The following APBB2 variants were observed in gnomAD, a reference collection of about 807,000 sequenced individuals.
APBB2 encodes amyloid beta precursor protein binding family B member 2.
A neutral mutation model predicts 82.5 loss-of-function variants in APBB2; 38 were observed. The observed-to-expected ratio is 0.46, with a 90% CI of 0.36 to 0.60. APBB2 has a LOEUF of 0.60. Ranked by LOEUF, APBB2 falls within the 20% of genes least tolerant of loss-of-function variation. The probability of loss-of-function intolerance (pLI) is 0.00; values close to 1 mark genes in which losing one functional copy is unlikely to be tolerated. For missense variants in APBB2, 772 were observed against 972.3 expected (o/e 0.79, Z 2.74); for synonymous variants, 341 against 368.2 (o/e 0.93, Z 0.85).
intron 3 of APBB2, among the ~76,000 whole-genome samples, chr4:41,082,955 G>A (rs865901876): frequency 1.3e-5 from 2 of 152,160 alleles, no homozygotes; most frequent in Middle Eastern, 6.8e-3. Context: ...TTGAGGTCAG[G>A]AGATCGAGAC....
intron 3 of APBB2, among the ~76,000 whole-genome samples, chr4:41,081,931 G>A (rs1294557585): frequency 6.6e-6 from 1 of 152,154 alleles, no homozygotes; most frequent in Non-Finnish European, 1.5e-5. Flanking sequence ...ATGAACTACC[G>A]ATACTTTGAC....
At chr4:41,094,575 C>G (rs1742863228) in intron 3 of APBB2, among the ~76,000 whole-genome samples, 1 of 152,042 alleles carries the variant, frequency 6.6e-6, no homozygotes, top group Admixed American at 6.6e-5. Flanking sequence ...CTATCAGCCA[C>G]TTTTTTTAAG....
At chr4:40,969,611 A>G (rs1024702532) in intron 6 of APBB2, among the ~76,000 whole-genome samples, 4 of 152,176 alleles carry the variant, frequency 2.6e-5, no homozygotes, top group Admixed American at 1.3e-4. Context: ...TCCCCATTTA[A>G]TTTTGCTATC....
At chr4:41,044,785 A>G (rs1408615046) in intron 4 of APBB2, among the ~76,000 whole-genome samples, 1 of 152,088 alleles carries the variant, frequency 6.6e-6, no homozygotes, top group African/African-American at 2.4e-5. Context: ...CTTCTTTTTA[A>G]CCCAATAGTT....
At chr4:40,999,847 C>A (rs1579125232) in intron 6 of APBB2, among the ~76,000 whole-genome samples, 1 of 151,794 alleles carries the variant, frequency 6.6e-6, no homozygotes, top group South Asian at 2.1e-4. Flanking sequence ...GTTTAATTGT[C>A]GTGCTAATCA....
intron 2 of APBB2, among the ~76,000 whole-genome samples, chr4:41,115,161 T>C (rs1299358737): frequency 6.6e-6 from 1 of 151,952 alleles, no homozygotes; most frequent in South Asian, 2.1e-4. Flanking sequence ...GCATCAGAAA[T>C]AACGCCACAC....
intron 4 of APBB2, among the ~76,000 whole-genome samples, chr4:41,042,796 G>T (rs1225482339): frequency 2.0e-5 from 3 of 152,190 alleles, no homozygotes; most frequent in African/African-American, 7.2e-5. Flanking sequence ...GCTCAGCAGA[G>T]ACTATGAGAA....
chr4:40,862,023 T>C (rs1762875967), intron 12 of APBB2, among the ~76,000 whole-genome samples: 5 of 152,324 alleles, frequency 3.3e-5, no homozygotes, highest in African/African-American at 9.6e-5. Context: ...CTTTCTTTCA[T>C]AGAAACCTAA....
intron 1 of APBB2, among the ~76,000 whole-genome samples, chr4:41,203,970 A>C (rs1777327499): frequency 6.6e-6 from 1 of 152,048 alleles, no homozygotes; most frequent in Non-Finnish European, 1.5e-5. Flanking sequence ...GACTCTCTCA[A>C]ATGAAAATTT....
chr4:40,892,259 G>T (rs1432164926), intron 11 of APBB2: 1 of 152,262 alleles, frequency 6.6e-6, no homozygotes, highest in Non-Finnish European at 1.5e-5. Context: ...CCAGGCTTGG[G>T]TATTTGGATG....
At chr4:41,172,882 A>T (rs1441305716) in intron 1 of APBB2, among the ~76,000 whole-genome samples, 1 of 152,232 alleles carries the variant, frequency 6.6e-6, no homozygotes, top group Non-Finnish European at 1.5e-5. Context: ...AGCTCATTTT[A>T]GGATATTGAA....
intron 12 of APBB2, among the ~76,000 whole-genome samples, chr4:40,858,937 TG>T (rs1762107409): frequency 6.6e-6 from 1 of 152,148 alleles, no homozygotes; most frequent in Non-Finnish European, 1.5e-5. Flanking sequence ...GTTTAAGACT[TG>T]GGGTTCAGCA....
intron 6 of APBB2, among the ~76,000 whole-genome samples, chr4:40,979,043 T>C (rs1797865287): frequency 6.6e-6 from 1 of 152,188 alleles, no homozygotes; most frequent in Non-Finnish European, 1.5e-5. Context: ...GGGAAGTTTC[T>C]TCCACTGAGA....
chr4:41,167,869 A>T (rs1409153171), intron 1 of APBB2, among the ~76,000 whole-genome samples: 1 of 152,228 alleles, frequency 6.6e-6, no homozygotes, highest in Non-Finnish European at 1.5e-5. Context: ...CAAGGAGGAG[A>T]GCTGCACTGA....
intron 3 of APBB2, among the ~76,000 whole-genome samples, chr4:41,100,282 T>TA (rs1744911054): frequency 6.6e-6 from 1 of 152,192 alleles, no homozygotes; most frequent in Admixed American, 6.5e-5. Flanking sequence ...TCTAAAAGTC[T>TA]AAAACACCTG....
chr4:41,035,358 G>A (rs772660399), intron 4 of APBB2, among the ~76,000 whole-genome samples: 35 of 152,116 alleles, frequency 2.3e-4, no homozygotes, highest in Non-Finnish European at 5.0e-4. Flanking sequence ...CTGTGGGTAA[G>A]GCTCATTACT....
intron 6 of APBB2, among the ~76,000 whole-genome samples, chr4:40,981,886 C>T (rs978102129): frequency 6.6e-6 from 1 of 151,830 alleles, no homozygotes; most frequent in Non-Finnish European, 1.5e-5. Context: ...GTTTCTCGAG[C>T]GTAAGAATTT....
At chr4:41,138,245 A>G (rs1197695623) in intron 2 of APBB2, 1 of 152,254 alleles carries the variant, frequency 6.6e-6, no homozygotes, top group African/African-American at 2.4e-5. Context: ...AAGAGTTTTT[A>G]GAAACATCAA....
At chr4:41,026,473 T>C (rs975559794) in intron 5 of APBB2, among the ~76,000 whole-genome samples, 3 of 152,228 alleles carry the variant, frequency 2.0e-5, no homozygotes, top group Non-Finnish European at 2.9e-5. Flanking sequence ...AATGAAATCC[T>C]GTACCCATTA....
Sources: gnomAD v4.1 joint callset for allele counts (sites outside exome capture counted in the v4.1 genomes callset) on GRCh38, gnomAD v4.1.1 for gene constraint, MANE v1.5 for transcripts, NCBI Gene and HGNC (gene_info 2026-07-23, HGNC 2026-07-21) for gene names.